Variants in ZNF33A observed in about 807,000 individuals in gnomAD.
ZNF33A encodes the protein brain my041 protein.
In ZNF33A, 9 loss-of-function variants were observed where a neutral mutation model predicts 15.9. That is an observed-to-expected ratio of 0.57 (90% confidence interval 0.34 to 0.99). The LOEUF (loss-of-function observed/expected upper bound fraction) is 0.99, where lower values mean the gene tolerates loss of function less well. Among genes scored for constraint, ZNF33A ranks in the 50% least tolerant of loss-of-function variants. The pLI, the probability that ZNF33A is intolerant of heterozygous loss-of-function variation, is 0.02. For synonymous variants in ZNF33A, 294 were observed against 324.2 expected (o/e 0.91, Z 1.00); for missense variants, 843 against 941.6 (o/e 0.90, Z 1.37).
intron 4 of ZNF33A, among the ~76,000 whole-genome samples, chr10:38,053,125 G>C (rs750162703): frequency 2.2e-4 from 33 of 151,886 alleles, no homozygotes; most frequent in Middle Eastern, 3.4e-3. Flanking sequence ...GTTTATTCAA[G>C]TTTCAGTCAA....
intron 4 of ZNF33A, among the ~76,000 whole-genome samples, chr10:38,051,502 T>C (rs2066203297): frequency 2.0e-5 from 3 of 152,126 alleles, no homozygotes; most frequent in Non-Finnish European, 2.9e-5. Context: ...TTCAATTATA[T>C]ATTGAAAATA....
At chr10:38,030,574 A>T (rs2065169773) in intron 4 of ZNF33A, among the ~76,000 whole-genome samples, 1 of 152,188 alleles carries the variant, frequency 6.6e-6, no homozygotes, top group Non-Finnish European at 1.5e-5. Context: ...TGGTAATGAT[A>T]TTAAGAGTGT....
At position 38,012,740 on chromosome 10, in the gene ZNF33A, A is replaced by G. The variant is rs111570580; in HGVS notation, c.9+390A>G. On this transcript the variant is annotated intron_variant, in intron 2 of 4. Coordinates refer to ENST00000432900, the MANE Select transcript of ZNF33A (RefSeq NM_006954.2). Reference sequence around the variant, plus strand: ...AGGCACCGTGTCTGGCCAAGAGTCAATATGTTAAGATGAGAAGTTAGTAAT... The same window carrying G: ...AGGCACCGTGTCTGGCCAAGAGTCAGTATGTTAAGATGAGAAGTTAGTAAT... 9.3e-3 allele frequency among the ~76,000 whole-genome samples: 1,421 copies of G among 152,244 alleles called. 22 individuals are homozygous for G. Among genetic ancestry groups the G allele is most frequent in the African/African-American group, 0.033 (1,358 of 41,542 alleles).
downstream of ZNF33A, among the ~76,000 whole-genome samples, chr10:38,061,522 A>G (rs1257400371): frequency 6.6e-6 from 1 of 152,140 alleles, no homozygotes; most frequent in Non-Finnish European, 1.5e-5. Flanking sequence ...CACAGGGTCA[A>G]CCTTGCAATC....
chr10:38,040,474 G>T (rs1385556763), intron 4 of ZNF33A, among the ~76,000 whole-genome samples: 2 of 151,890 alleles, frequency 1.3e-5, no homozygotes, highest in Non-Finnish European at 2.9e-5. Context: ...ATACTTTGAG[G>T]CTCTGTTAGT....
intron 2 of ZNF33A, among the ~76,000 whole-genome samples, chr10:38,016,358 A>T (rs2064451506): frequency 6.6e-6 from 1 of 152,196 alleles, no homozygotes; most frequent in African/African-American, 2.4e-5. Flanking sequence ...TTTTCTCAAG[A>T]CAGCACCAGG....
chr10:38,046,436 A>T (rs533192798), intron 4 of ZNF33A, among the ~76,000 whole-genome samples: 5 of 152,158 alleles, frequency 3.3e-5, no homozygotes, highest in Non-Finnish European at 7.3e-5. Context: ...CGTGGTGAGG[A>T]GTAATGTGCC....
At chr10:38,064,375 C>A, downstream of ZNF33A, 1 of 429,852 alleles carries the variant, frequency 2.3e-6, no homozygotes, top group Non-Finnish European at 4.1e-6. Context: ...GGGCCCAGGG[C>A]TGAGGCTTCT....
At position 38,055,633 on chromosome 10, in the gene ZNF33A, GA is replaced by G. The variant is rs2066438519; in HGVS notation, c.1513del (p.Thr505LeufsTer13). On this transcript the variant is annotated frameshift_variant, in exon 5 of 5. Transcript: ENST00000432900. LOFTEE classifies it low-confidence loss of function (END_TRUNC). ...DKSYECNACG[K>X]TFYHKSLLTR... ...AATCTTATGAATGTAATGCATGTGG[GA>G]AAACTTTCTACCACAAGTCATTACT... 6.2e-7 allele frequency: 1 copy of G among 1,613,778 alleles called. No homozygotes were observed. The highest frequency in any genetic ancestry group is 1.3e-5 in the African/African-American group (1 of 74,834).
intron 1 of ZNF33A, among the ~76,000 whole-genome samples, chr10:38,011,971 C>T (rs545167341): frequency 6.6e-6 from 1 of 152,170 alleles, no homozygotes; most frequent in East Asian, 1.9e-4. Context: ...ACTTGTTTGG[C>T]CAATATTGTC....
At chr10:38,013,216 TTC>T (rs2064278647) in intron 2 of ZNF33A, among the ~76,000 whole-genome samples, 1 of 152,152 alleles carries the variant, frequency 6.6e-6, no homozygotes, top group Non-Finnish European at 1.5e-5. Flanking sequence ...GTTCAAGCGA[TTC>T]TCTTGCCTCA....
intron 4 of ZNF33A, among the ~76,000 whole-genome samples, chr10:38,031,834 A>C (rs377034199): frequency 1.3e-5 from 2 of 149,550 alleles, no homozygotes; most frequent in African/African-American, 4.9e-5. Context: ...GTGATGGTGC[A>C]CTCCTGTAGT....
intron 4 of ZNF33A, among the ~76,000 whole-genome samples, chr10:38,043,477 C>T (rs1453438245): frequency 5.4e-5 from 8 of 149,462 alleles, no homozygotes; most frequent in Non-Finnish European, 1.0e-4. Flanking sequence ...TGCACATGTA[C>T]CCTAAAACTT....
chr10:38,020,093 A>G (rs1307279946), intron 4 of ZNF33A, among the ~76,000 whole-genome samples: 3 of 152,214 alleles, frequency 2.0e-5, no homozygotes, highest in Admixed American at 2.0e-4. Context: ...GATGGAATCT[A>G]AAAGATGAAT....
chr10:38,046,341 C>T (rs1250503214), intron 4 of ZNF33A, among the ~76,000 whole-genome samples: 1 of 152,062 alleles, frequency 6.6e-6, no homozygotes, highest in African/African-American at 2.4e-5. Context: ...CACATAGGGC[C>T]TGGAAAAGGA....
At chr10:38,065,713 CT>C (rs35846280), downstream of ZNF33A, among the ~76,000 whole-genome samples, 9,494 of 142,112 alleles carry the variant, frequency 0.067, 325 homozygotes, top group Middle Eastern at 0.11. Flanking sequence ...ATGGGACACA[CT>C]TTTTTTTTTT....
At chr10:38,061,653 AGGCT>A (rs1354094644), downstream of ZNF33A, among the ~76,000 whole-genome samples, 1 of 152,090 alleles carries the variant, frequency 6.6e-6, no homozygotes, top group Non-Finnish European at 1.5e-5. Context: ...AGTCATGTTG[AGGCT>A]GGGTGCAGTG....
intron 4 of ZNF33A, among the ~76,000 whole-genome samples, chr10:38,027,795 G>A (rs1028756079): frequency 6.6e-6 from 1 of 152,076 alleles, no homozygotes; most frequent in Non-Finnish European, 1.5e-5. Context: ...TTCATATATA[G>A]TATCCTTCTT....
At chr10:38,013,880 C>A (rs913670566) in intron 2 of ZNF33A, among the ~76,000 whole-genome samples, 2 of 152,060 alleles carry the variant, frequency 1.3e-5, no homozygotes, top group Non-Finnish European at 2.9e-5. Context: ...TGCCAGCACT[C>A]CTGAAGCTGC....
Sources: gnomAD v4.1 joint callset for allele counts (sites outside exome capture counted in the v4.1 genomes callset) on GRCh38, gnomAD v4.1.1 for gene constraint, MANE v1.5 for transcripts, NCBI Gene and HGNC (gene_info 2026-07-23, HGNC 2026-07-21) for gene names.